Variants in DLGAP1 observed in about 807,000 individuals in gnomAD.
DLGAP1 encodes the protein disks large-associated protein 1.
Under a neutral mutation model 90.8 loss-of-function variants are expected in DLGAP1, and 11 were observed. The observed-to-expected ratio is 0.12, with a 90% CI of 0.08 to 0.20. The LOEUF is 0.20. DLGAP1 is among the 10% of genes least tolerant of loss of function. The pLI is 1.00. For synonymous variants in DLGAP1, 558 were observed against 540.7 expected (o/e 1.03, Z -0.44); for missense variants, 1,050 against 1,333.8 (o/e 0.79, Z 3.31).
chr18:3,648,375 A>C lies in DLGAP1; in HGVS notation c.1592-66127T>G, dbSNP rs561883266. On this transcript the variant is annotated intron_variant, in intron 7 of 12. Transcript: ENST00000315677. ...TTACGCATGTAAAGCATCTTAGTTG[A>C]ATACCAAATTCAAACAAAATCAATA... Among the ~76,000 whole-genome samples, 5 of 152,344 alleles carry C rather than the reference A, an allele frequency of 3.3e-5. No individual in the cohort carries two copies. In the South Asian group the frequency reaches 6.2e-4, roughly 19 times the overall value.
intron 1 of DLGAP1, among the ~76,000 whole-genome samples, chr18:4,416,568 C>A (rs1407980635): frequency 2.6e-5 from 4 of 152,088 alleles, no homozygotes; most frequent in Non-Finnish European, 4.4e-5. Context: ...TATGAACTAC[C>A]TGTGTATATA....
At chr18:4,170,954 ACT>A (rs1421675822) in intron 1 of DLGAP1, among the ~76,000 whole-genome samples, 2 of 152,048 alleles carry the variant, frequency 1.3e-5, no homozygotes, top group African/African-American at 4.8e-5. Flanking sequence ...ACCTCAGTGA[ACT>A]CTGTTTTTTA....
chr18:3,882,966 G>A (rs1352782869), intron 3 of DLGAP1, among the ~76,000 whole-genome samples: 1 of 152,136 alleles, frequency 6.6e-6, no homozygotes, highest in Non-Finnish European at 1.5e-5. Context: ...ATATAGTGCT[G>A]GGTGCGGTGG....
intron 7 of DLGAP1, among the ~76,000 whole-genome samples, chr18:3,673,625 C>T (rs1267943555): frequency 6.6e-6 from 1 of 152,154 alleles, no homozygotes; most frequent in Non-Finnish European, 1.5e-5. Flanking sequence ...CGGCTCACTG[C>T]AACCTTCGAC....
chr18:3,497,706 G>A lies in DLGAP1; in HGVS notation c.*1479C>T, dbSNP rs2049740754. 6.6e-6 allele frequency: 1 copy of A among 152,224 alleles called. No individual in the cohort carries two copies. The highest frequency in any genetic ancestry group is 1.5e-5 in the Non-Finnish European group (1 of 68,038). 9.4% of individuals were successfully genotyped at this position (152,224 alleles called of 1,614,324 possible). A position where few individuals can be genotyped will look rare whatever the true frequency, so the allele number is the denominator to read the frequency against. On this transcript the variant is annotated 3_prime_UTR_variant, in exon 13 of 13. Transcript: ENST00000315677. ...TACTTAAGATTGCCACATCCTAAGT[G>A]TTTAAACTGTGACGAGTAAGGGCAT...
chr18:4,023,555 C>T (rs796343758), intron 2 of DLGAP1, among the ~76,000 whole-genome samples: 1 of 152,198 alleles, frequency 6.6e-6, no homozygotes, highest in African/African-American at 2.4e-5. Context: ...TTGTCATAAC[C>T]TGACTCAAAA....
In DLGAP1 at chr18:4,043,224, A is replaced by C. The variant is rs1368649199; in HGVS notation, c.-158-38023T>G. Among the ~76,000 whole-genome samples, 5 of 152,240 alleles carry C rather than the reference A, an allele frequency of 3.3e-5. No homozygotes were observed. In the East Asian group the frequency reaches 9.6e-4, roughly 29 times the overall value. On this transcript the variant is annotated intron_variant, in intron 2 of 12. Transcript: ENST00000315677. ...ATACTCAGTATAGGCAAAACAATCA[A>C]ATTTAATTAACAAAAAGCATTTGCA...
intron 4 of DLGAP1, among the ~76,000 whole-genome samples, chr18:3,823,160 T>G (rs919866505): frequency 6.6e-6 from 1 of 152,218 alleles, no homozygotes. Context: ...GGTCCATGTA[T>G]TTCAGGAGTA....
chr18:3,655,115 C>A (rs1220876344), intron 7 of DLGAP1, among the ~76,000 whole-genome samples: 1 of 152,084 alleles, frequency 6.6e-6, no homozygotes, highest in African/African-American at 2.4e-5. Context: ...CACCTCCATG[C>A]ATTGCCCATT....
intron 7 of DLGAP1, among the ~76,000 whole-genome samples, chr18:3,627,721 T>C (rs8090187): frequency 0.51 from 78,018 of 151,878 alleles, 22,309 homozygotes; most frequent in African/African-American, 0.77. Flanking sequence ...AGTGCAGTGA[T>C]GTAATCACAT....
intron 10 of DLGAP1, among the ~76,000 whole-genome samples, chr18:3,520,106 A>T (rs2051087639): frequency 6.6e-6 from 1 of 152,194 alleles, no homozygotes; most frequent in African/African-American, 2.4e-5. Context: ...AACAAAGACA[A>T]ATAGTCTTAA....
chr18:4,299,104 A>AAAAAAAAAAAAAAAAAAAC (rs1555779074), intron 1 of DLGAP1, among the ~76,000 whole-genome samples: 1 of 131,758 alleles, frequency 7.6e-6, no homozygotes, highest in Admixed American at 8.1e-5. Context: ...AAAAAAAAAA[A>AAAAAAAAAAAAAAAAAAAC]AAAAAATAGA....
At chr18:4,099,079 G>C (rs1239465416) in intron 2 of DLGAP1, among the ~76,000 whole-genome samples, 1 of 152,144 alleles carries the variant, frequency 6.6e-6, no homozygotes, top group Non-Finnish European at 1.5e-5. Context: ...AGGCTCAACT[G>C]ATTCTTCCAC....
intron 3 of DLGAP1, among the ~76,000 whole-genome samples, chr18:3,923,340 TATAA>T (rs1220949234): frequency 2.6e-5 from 4 of 152,156 alleles, no homozygotes; most frequent in African/African-American, 9.6e-5. Flanking sequence ...TTCACATTAT[TATAA>T]ATAAGACTGA....
intron 2 of DLGAP1, among the ~76,000 whole-genome samples, chr18:4,087,811 T>A (rs1010682003): frequency 1.3e-5 from 2 of 152,176 alleles, no homozygotes; most frequent in African/African-American, 4.8e-5. Context: ...CTTAACCTAG[T>A]TCTTTATTTT....
chr18:4,264,219 A>C (rs2079058977), intron 1 of DLGAP1, among the ~76,000 whole-genome samples: 1 of 152,178 alleles, frequency 6.6e-6, no homozygotes, highest in African/African-American at 2.4e-5. Context: ...GGGAAAGAGA[A>C]GATGTGGAAA....
At position 4,252,970 on chromosome 18, in the gene DLGAP1, T is replaced by G. The variant is rs114316476; in HGVS notation, c.-266-101683A>C. The stretch of plus-strand genomic sequence containing the variant: ...TGATCTTCCAATTTAAAGTACCATA[T>G]CAGCTAAAGATTTTTATCTACAGGC... On this transcript the variant is annotated intron_variant, in intron 1 of 12. Coordinates refer to ENST00000315677, the MANE Select transcript of DLGAP1 (RefSeq NM_004746.4). Among the ~76,000 whole-genome samples the G allele has an allele frequency of 4.0e-3, 606 of 152,314 alleles. 7 individuals are homozygous for G. The highest frequency in any genetic ancestry group is 0.014 in the African/African-American group (581 of 41,554).
intron 2 of DLGAP1, among the ~76,000 whole-genome samples, chr18:4,054,131 C>G (rs2075177869): frequency 6.6e-6 from 1 of 152,164 alleles, no homozygotes; most frequent in South Asian, 2.1e-4. Context: ...GAATGGAGAA[C>G]TTTCTCTCAT....
intron 2 of DLGAP1, among the ~76,000 whole-genome samples, chr18:4,120,719 CT>C (rs1331833657): frequency 7.4e-6 from 1 of 135,268 alleles, no homozygotes; most frequent in Non-Finnish European, 1.6e-5. Flanking sequence ...TCTTTCCTTC[CT>C]TCCCTTCCTT....
Sources: allele counts gnomAD v4.1 joint callset (sites outside exome capture counted in the v4.1 genomes callset), GRCh38; gene constraint gnomAD v4.1.1; transcripts MANE v1.5; gene names NCBI Gene and HGNC (gene_info 2026-07-23, HGNC 2026-07-21).